The following SIAE variants were observed in gnomAD, a reference collection of about 807,000 sequenced individuals.
The protein encoded by SIAE is sialate O-acetylesterase.
Under a neutral mutation model 52.6 loss-of-function variants are expected in SIAE, and 39 were observed. That is an observed-to-expected ratio of 0.74 (90% CI 0.57 to 0.97). The LOEUF (loss-of-function observed/expected upper bound fraction) is 0.97, where lower values mean the gene tolerates loss of function less well. SIAE is among the 50% of genes least tolerant of loss of function. The pLI is 0.00. For missense variants in SIAE, 592 were observed against 662.1 expected, an observed-to-expected ratio of 0.89 and a Z score of 1.16; for synonymous variants, 233 against 241.4, an observed-to-expected ratio of 0.97 and a Z score of 0.32.
chr11:124,655,460 C>A (rs1354324438), intron 3 of SIAE, among the ~76,000 whole-genome samples: 1 of 152,114 alleles, frequency 6.6e-6, no homozygotes, highest in African/African-American at 2.4e-5. Flanking sequence ...CAGGTGTGAG[C>A]CACCGCACCC....
intron 2 of SIAE, among the ~76,000 whole-genome samples, chr11:124,661,404 ATC>A (rs888211224): frequency 1.2e-4 from 19 of 152,174 alleles, no homozygotes; most frequent in Admixed American, 5.9e-4. Context: ...ATATAAATTA[ATC>A]TCTCTGTGAA....
intron 5 of SIAE, among the ~76,000 whole-genome samples, chr11:124,648,689 G>A (rs976817929): frequency 5.9e-5 from 9 of 152,070 alleles, no homozygotes; most frequent in East Asian, 1.9e-4. Context: ...CTCTGAACAC[G>A]TTCTCAAATT....
chr11:124,670,712 G>A lies in SIAE; in HGVS notation c.68-1191C>T, dbSNP rs908499688. Among the ~76,000 whole-genome samples, 1 of 152,122 alleles carries A rather than the reference G, an allele frequency of 6.6e-6. No homozygotes were observed. The highest frequency in any genetic ancestry group is 2.4e-5 in the African/African-American group (1 of 41,410). On this transcript the variant is annotated intron_variant, in intron 1 of 9. Coordinates refer to ENST00000263593, the MANE Select transcript of SIAE (RefSeq NM_170601.5). This position sits in a 1 kb window ranked among gnomAD's most constrained non-coding sequence, Gnocchi z 4.5. ...CACAGCTCCGTGGCCTATTTATCCTGCTCTTGGAATAACAGCCCAGTCCCT... is the reference window on the plus strand; with the variant it reads ...CACAGCTCCGTGGCCTATTTATCCTACTCTTGGAATAACAGCCCAGTCCCT...
chr11:124,640,936 AAG>A (rs1942834745), intron 7 of SIAE, among the ~76,000 whole-genome samples: 1 of 152,178 alleles, frequency 6.6e-6, no homozygotes, highest in African/African-American at 2.4e-5. Context: ...AGAGGTCTGA[AAG>A]AGCCCAAAGA....
intron 3 of SIAE, chr11:124,658,987 A>G (rs1181673285): frequency 6.6e-6 from 1 of 152,256 alleles, no homozygotes; most frequent in East Asian, 1.9e-4. Flanking sequence ...AACTAAGTGC[A>G]TGATTTAAAC....
In SIAE at chr11:124,639,692, C is replaced by G; in HGVS notation, c.1124+18G>C. 6.2e-7 allele frequency: 1 copy of G among 1,613,922 alleles called. No individual in the cohort carries two copies. The highest frequency in any genetic ancestry group is 8.5e-7 in the Non-Finnish European group (1 of 1,179,860). Reference sequence around the variant, plus strand: ...AAGAACATACACTGTTCATGCAAAGCCCAAGAAGCAATCATACCTGCCAAA... The same window carrying G: ...AAGAACATACACTGTTCATGCAAAGGCCAAGAAGCAATCATACCTGCCAAA... On this transcript the variant is annotated intron_variant, in intron 8 of 9. Transcript: ENST00000263593.
Position 124,660,797 on chromosome 11 carries a change from G to C in SIAE, c.236C>G (p.Ser79Cys), listed in dbSNP as rs572077075. The C allele has an allele frequency of 3.1e-6, 5 of 1,614,134 alleles. No homozygotes were observed. In the South Asian group the frequency reaches 5.5e-5, roughly 18 times the overall value. ...MKKVTSVKAH[S>C]DTWMVVLDPM... ...ATCCAGTACCACCATCCACGTATCAGAGTGAGCTGAAATAGTAACAGGACT... is the reference window on the plus strand; with the variant it reads ...ATCCAGTACCACCATCCACGTATCACAGTGAGCTGAAATAGTAACAGGACT... Residue 79 changes from serine (S) to cysteine (C), a missense_variant, in exon 3 of 10, where the codon TCT (serine) becomes TGT (cysteine). Physicochemically the swap from Ser to Cys is moderately radical, Grantham distance 112. Coordinates refer to ENST00000263593, the MANE Select transcript of SIAE (RefSeq NM_170601.5).
chr11:124,651,096 T>C (rs1220282733), intron 4 of SIAE, among the ~76,000 whole-genome samples: 2 of 152,118 alleles, frequency 1.3e-5, no homozygotes. Context: ...ACTCCAAAAG[T>C]AGACAGTGCA....
At chr11:124,648,479 G>T (rs1482957370) in intron 5 of SIAE, among the ~76,000 whole-genome samples, 2 of 151,138 alleles carry the variant, frequency 1.3e-5, no homozygotes, top group East Asian at 1.9e-4. Flanking sequence ...GTGGGGGGGG[G>T]CCAATAAATT....
rs1003475632 is a variant in SIAE at position 124,647,465 on chromosome 11, T to A, written c.866A>T (p.Tyr289Phe). Residue 289 changes from tyrosine to phenylalanine, a missense_variant, in exon 7 of 10, where the codon TAC becomes TTC. Transcript: ENST00000263593. The part of the protein sequence containing the change: ...ESNINYNTDL[Y>F]NCTFPALIED... ...GATGAGTGCAGGGAATGTGCAATTG[T>A]ACAGATCCGTGTTATAATTTATATT... 1.6e-5 allele frequency: 26 copies of A among 1,614,086 alleles called. No homozygotes were observed. The highest frequency in any genetic ancestry group is 2.0e-5 in the Non-Finnish European group (24 of 1,180,050).
upstream of SIAE, chr11:124,674,145 C>CGCCCGCCCTCCTCT: frequency 1.0e-5 from 2 of 200,618 alleles, no homozygotes; most frequent in East Asian, 2.6e-4. Flanking sequence ...CTGCCCCCTC[C>CGCCCGCCCTCCTCT]GCCCGCCCTC....
chr11:124,641,338 T>C (rs897678596), intron 7 of SIAE, among the ~76,000 whole-genome samples: 3 of 152,150 alleles, frequency 2.0e-5, no homozygotes, highest in African/African-American at 7.2e-5. Context: ...GTTAGAAGCA[T>C]GTAAGATGCA....
At chr11:124,647,245 A>C in intron 7 of SIAE, 120 bp downstream of exon 7, 1 of 1,365,116 alleles carries the variant, frequency 7.3e-7, no homozygotes, top group South Asian at 1.2e-5. Flanking sequence ...CAAAAAAGGA[A>C]GATGAAATCC....
chr11:124,639,109 G>T (rs1942800876), intron 8 of SIAE, among the ~76,000 whole-genome samples: 1 of 152,108 alleles, frequency 6.6e-6, no homozygotes, highest in African/African-American at 2.4e-5. Flanking sequence ...TCATTATTTG[G>T]TCCCCTAGAG....
Position 124,638,732 on chromosome 11 carries a change from T to G in SIAE, c.1130A>C (p.His377Pro). ...AGCCACAGTCTGTTTATCTCGAGGG[T>G]GGATGCTACAGGATAAGGAACAAGT... ...CDRDSPFGSI[H>P]PRDKQTVAYR... is the part of the protein sequence containing the mutation. Residue 377 changes from histidine (H) to proline (P), a missense_variant, in exon 9 of 10, where the codon CAC becomes CCC. Physicochemically the swap from His to Pro is moderately conservative, Grantham distance 77. Transcript: ENST00000263593. 2 of 1,613,820 alleles carry G rather than the reference T, an allele frequency of 1.2e-6. No homozygotes were observed. Among genetic ancestry groups the G allele is most frequent in the Non-Finnish European group, 1.7e-6 (2 of 1,179,944 alleles).
In SIAE at chr11:124,647,380, T is replaced by C. The variant is rs1027136741; in HGVS notation, c.951A>G (p.Pro317=). ...GSQGQTERFF[P]FGLVQLSSDL... ...CACATCGTACCTGGACAAGTCCAAA[T>C]GGGAAGAAACGCTCCGTCTGCCCCT... Residue 317 remains proline, a synonymous_variant, in exon 7 of 10, where the codon CCA becomes CCG. Coordinates refer to ENST00000263593, the MANE Select transcript of SIAE (RefSeq NM_170601.5). The C allele has an allele frequency of 1.1e-5, 18 of 1,614,058 alleles. No homozygotes were observed. The African/African-American group carries it at 1.6e-4, about 14-fold the overall frequency.
rs761087890 is a variant in SIAE, at chr11:124,670,356, C to T, written c.68-835G>A. ...AAGACTGAATAAGAACTCGCTTTAA[C>T]GACATCATTCCTATTTTTAACATCC... On this transcript the variant is annotated intron_variant, in intron 1 of 9. Coordinates refer to ENST00000263593, the MANE Select transcript of SIAE (RefSeq NM_170601.5). The surrounding 1 kb of genome is among the most constrained non-coding windows in gnomAD (Gnocchi z 4.5). 1.1e-4 allele frequency among the ~76,000 whole-genome samples: 17 copies of T among 152,120 alleles called. No homozygotes were observed. Among genetic ancestry groups the T allele is most frequent in the Non-Finnish European group, 1.9e-4 (13 of 68,008 alleles).
intron 7 of SIAE, among the ~76,000 whole-genome samples, chr11:124,640,643 T>G (rs1390629456): frequency 1.3e-5 from 2 of 152,174 alleles, no homozygotes; most frequent in African/African-American, 4.8e-5. Flanking sequence ...GTGACCCCAA[T>G]TCTTCACTCC....
rs1942678274 is a variant in SIAE at position 124,634,454 on chromosome 11, G to A, written c.*2497C>T. On this transcript the variant is annotated 3_prime_UTR_variant, in exon 10 of 10. Coordinates refer to ENST00000263593, the MANE Select transcript of SIAE (RefSeq NM_170601.5). ...GACAACATCCAGTGTCAATGAGGGT[G>A]AGGGCAAAAAAAGGACTACCTTGGT... 1 of 152,042 alleles carries A rather than the reference G, an allele frequency of 6.6e-6. No individual in the cohort carries two copies. Among genetic ancestry groups the A allele is most frequent in the Non-Finnish European group, 1.5e-5 (1 of 67,978 alleles). The allele number at this position is 152,042 out of a possible 1,614,324, so 9.4% of individuals were successfully genotyped here.
Sources: allele counts gnomAD v4.1 joint callset (sites outside exome capture counted in the v4.1 genomes callset), GRCh38; gene constraint gnomAD v4.1.1; non-coding constraint Gnocchi (gnomAD v3.1); transcripts MANE v1.5; gene names NCBI Gene and HGNC (gene_info 2026-07-23, HGNC 2026-07-21).